NDUFAF2: variants seen among roughly 807,000 people sequenced by gnomAD.
NDUFAF2 encodes NADH:ubiquinone oxidoreductase complex assembly factor 2, also known as NADH dehydrogenase [ubiquinone] 1 alpha subcomplex assembly factor 2.
Under a neutral mutation model 22.8 loss-of-function variants are expected in NDUFAF2, and 13 were observed. The ratio of observed to expected loss-of-function variants is 0.57; its 90% confidence interval spans 0.37 to 0.91. The LOEUF is 0.91. Ranked by LOEUF, NDUFAF2 falls within the 40% of genes least tolerant of loss-of-function variation. The probability of loss-of-function intolerance (pLI) is 0.01; values close to 1 mark genes in which losing one functional copy is unlikely to be tolerated. For missense variants in NDUFAF2, 162 were observed against 195.2 expected, an observed-to-expected ratio of 0.83 and a Z score of 1.01; for synonymous variants, 53 against 64.2, an observed-to-expected ratio of 0.83 and a Z score of 0.84.
chr5:61,093,267 G>T (rs1268153642), intron 2 of NDUFAF2, among the ~76,000 whole-genome samples: 1 of 152,042 alleles, frequency 6.6e-6, no homozygotes, highest in Non-Finnish European at 1.5e-5. Flanking sequence ...ATCTCCTTTG[G>T]CAACACCCTC....
chr5:61,145,790 A>C (rs1352127353), intron 3 of NDUFAF2: 1 of 152,306 alleles, frequency 6.6e-6, no homozygotes, highest in African/African-American at 2.4e-5. Context: ...GATACAGCTC[A>C]TGCCTTTTTT....
intron 3 of NDUFAF2, among the ~76,000 whole-genome samples, chr5:61,134,131 A>G (rs1481609432): frequency 6.6e-6 from 1 of 152,194 alleles, no homozygotes; most frequent in Non-Finnish European, 1.5e-5. Context: ...CTTCTATAGA[A>G]TGTTCGTGAT....
rs559191728 is a variant in NDUFAF2 at position 61,091,150 on chromosome 5, A to G, written c.218-7842A>G. On this transcript the variant is annotated intron_variant, in intron 2 of 3. Coordinates refer to ENST00000296597, the MANE Select transcript of NDUFAF2 (RefSeq NM_174889.5). ...GTGAATAGTGCTGCAATAAACATAC[A>G]CATGCATGTGTGTTTATAATAGAAT... 2.0e-5 allele frequency among the ~76,000 whole-genome samples: 3 copies of G among 152,210 alleles called. No individual in the cohort carries two copies. In the East Asian group the frequency reaches 5.8e-4, roughly 29 times the overall value.
intron 3 of NDUFAF2, among the ~76,000 whole-genome samples, chr5:61,131,691 T>C (rs1037225158): frequency 6.6e-6 from 1 of 152,128 alleles, no homozygotes; most frequent in African/African-American, 2.4e-5. Context: ...AAAAAAGATG[T>C]CTGAAAAATA....
At chr5:61,099,251 G>A (rs906821386) in intron 3 of NDUFAF2, among the ~76,000 whole-genome samples, 1 of 151,004 alleles carries the variant, frequency 6.6e-6, no homozygotes, top group African/African-American at 2.4e-5. Flanking sequence ...AACAAAATTT[G>A]TATAAATTTT....
chr5:61,090,133 A>G (rs1417156769), intron 2 of NDUFAF2, among the ~76,000 whole-genome samples: 1 of 152,070 alleles, frequency 6.6e-6, no homozygotes, highest in Non-Finnish European at 1.5e-5. Context: ...AATGATTTTT[A>G]TTTTAAATAA....
intron 1 of NDUFAF2, among the ~76,000 whole-genome samples, chr5:61,058,614 T>G (rs1048664737): frequency 3.9e-5 from 6 of 152,038 alleles, no homozygotes; most frequent in African/African-American, 1.4e-4. Flanking sequence ...TCCTTCCTTT[T>G]TGTGTGTGTT....
intron 1 of NDUFAF2, among the ~76,000 whole-genome samples, chr5:60,988,369 G>T (rs535334678): frequency 2.0e-5 from 3 of 152,080 alleles, no homozygotes. Context: ...CACAATTTGC[G>T]ATTCAGTGTG....
intron 1 of NDUFAF2, 94 bp from the exon 2 acceptor site, chr5:61,073,031 C>T: frequency 1.3e-6 from 1 of 766,372 alleles, no homozygotes; most frequent in Admixed American, 2.1e-5. Flanking sequence ...AATTCTTTTA[C>T]TATATAAGGG....
At chr5:61,103,795 G>A (rs896695676) in intron 3 of NDUFAF2, among the ~76,000 whole-genome samples, 11 of 152,032 alleles carry the variant, frequency 7.2e-5, no homozygotes, top group South Asian at 2.1e-4. Context: ...CAGTGAAGGC[G>A]GTCCCTTACT....
chr5:61,074,138 A>G (rs1488171128), intron 2 of NDUFAF2, among the ~76,000 whole-genome samples: 1 of 152,188 alleles, frequency 6.6e-6, no homozygotes, highest in East Asian at 1.9e-4. Flanking sequence ...GGCACCTAGT[A>G]GGTAGTTAAT....
chr5:61,098,523 C>A (rs1192688917), intron 2 of NDUFAF2, among the ~76,000 whole-genome samples: 2 of 152,154 alleles, frequency 1.3e-5, no homozygotes, highest in Non-Finnish European at 2.9e-5. Flanking sequence ...CTTGCTGGAG[C>A]AAATCAGAAA....
intron 2 of NDUFAF2, among the ~76,000 whole-genome samples, chr5:61,084,975 A>G (rs1364203884): frequency 6.6e-6 from 1 of 152,128 alleles, no homozygotes; most frequent in Admixed American, 6.5e-5. Flanking sequence ...TTTTTTCCAT[A>G]TGCTCATGGA....
chr5:61,127,466 G>A (rs1753051832), intron 3 of NDUFAF2, among the ~76,000 whole-genome samples: 2 of 152,178 alleles, frequency 1.3e-5, no homozygotes, highest in South Asian at 4.1e-4. Flanking sequence ...TCCCTGGGAT[G>A]CAAGGCTGGT....
chr5:61,031,185 T>A (rs960414957), intron 1 of NDUFAF2, among the ~76,000 whole-genome samples: 2 of 152,148 alleles, frequency 1.3e-5, no homozygotes, highest in Non-Finnish European at 2.9e-5. Context: ...ATTATTATAC[T>A]TTGAGTTTTG....
chr5:61,055,116 G>C (rs1752072050), intron 1 of NDUFAF2, among the ~76,000 whole-genome samples: 1 of 152,128 alleles, frequency 6.6e-6, no homozygotes, highest in African/African-American at 2.4e-5. Flanking sequence ...ATATAGTATT[G>C]CTTTGTTTTA....
chr5:61,022,235 TA>T (rs1293146764), intron 1 of NDUFAF2, among the ~76,000 whole-genome samples: 3 of 152,354 alleles, frequency 2.0e-5, no homozygotes, highest in Middle Eastern at 6.8e-3. Flanking sequence ...CTGTTACTGT[TA>T]TTATCAATAT....
At position 61,063,893 on chromosome 5, in the gene NDUFAF2, A is replaced by G. The variant is rs1445022571; in HGVS notation, c.128-9232A>G. 2.0e-5 allele frequency among the ~76,000 whole-genome samples: 3 copies of G among 152,154 alleles called. No individual in the cohort carries two copies. In the East Asian group the frequency reaches 5.8e-4, roughly 29 times the overall value. ...CAGTAGTAAGAACTTATTTATCAGTAATAAACTTGAATGTAAATGGATTAA... is the reference window on the plus strand; with the variant it reads ...CAGTAGTAAGAACTTATTTATCAGTGATAAACTTGAATGTAAATGGATTAA... On this transcript the variant is annotated intron_variant, in intron 1 of 3. Coordinates refer to ENST00000296597, the MANE Select transcript of NDUFAF2 (RefSeq NM_174889.5).
intron 1 of NDUFAF2, among the ~76,000 whole-genome samples, chr5:61,003,942 CA>C (rs140583926): frequency 6.6e-6 from 1 of 152,170 alleles, no homozygotes; most frequent in African/African-American, 2.4e-5. Context: ...GCTGAGATTA[CA>C]AGCACGAGCT....
Sources: gnomAD v4.1 joint callset for allele counts (sites outside exome capture counted in the v4.1 genomes callset) on GRCh38, gnomAD v4.1.1 for gene constraint, MANE v1.5 for transcripts, NCBI Gene and HGNC (gene_info 2026-07-23, HGNC 2026-07-21) for gene names.